The following UBE2E3 variants were observed in gnomAD, a reference collection of about 807,000 sequenced individuals.
UBE2E3 encodes the protein ubiquitin-conjugating enzyme E2 E3.
UBE2E3 carries 5 observed loss-of-function variants against 23.6 expected under a neutral mutation model. That is an observed-to-expected ratio of 0.21 (90% CI 0.11 to 0.44). The LOEUF (loss-of-function observed/expected upper bound fraction) is 0.44, where lower values mean the gene tolerates loss of function less well. Ranked by LOEUF, UBE2E3 falls within the 20% of genes least tolerant of loss-of-function variation. UBE2E3 has a pLI of 0.99. For synonymous variants in UBE2E3, 78 were observed against 87.5 expected (o/e 0.89, Z 0.60); for missense variants, 81 against 249.8 (o/e 0.32, Z 4.55).
At chr2:181,037,509 T>G (rs1417512459) in intron 3 of UBE2E3, among the ~76,000 whole-genome samples, 1 of 151,994 alleles carries the variant, frequency 6.6e-6, no homozygotes, top group Non-Finnish European at 1.5e-5. Context: ...TGTGTCTTAG[T>G]TTTTACAAAA....
intron 3 of UBE2E3, among the ~76,000 whole-genome samples, chr2:181,031,908 T>C (rs1187976052): frequency 6.6e-6 from 1 of 152,174 alleles, no homozygotes; most frequent in East Asian, 1.9e-4. Context: ...ACTAGTGACT[T>C]TTAAAATGCC....
intron 5 of UBE2E3, among the ~76,000 whole-genome samples, chr2:181,061,692 G>T (rs1028120367): frequency 3.6e-4 from 54 of 151,332 alleles, no homozygotes; most frequent in African/African-American, 1.3e-3. Context: ...CCTGCCACAT[G>T]TGAACTTCAG....
intron 3 of UBE2E3, among the ~76,000 whole-genome samples, chr2:180,997,115 T>G (rs1684846354): frequency 6.6e-6 from 1 of 151,918 alleles, no homozygotes; most frequent in Non-Finnish European, 1.5e-5. Context: ...ACTACACTTT[T>G]TTTTTTTACC....
At chr2:181,049,079 T>C (rs1268420289) in intron 3 of UBE2E3, among the ~76,000 whole-genome samples, 3 of 152,048 alleles carry the variant, frequency 2.0e-5, no homozygotes, top group Admixed American at 6.6e-5. Flanking sequence ...AGATTTCAGC[T>C]GAGGGAGTAA....
intron 3 of UBE2E3, among the ~76,000 whole-genome samples, chr2:181,033,216 T>C (rs1686142301): frequency 1.3e-5 from 2 of 152,156 alleles, no homozygotes; most frequent in Non-Finnish European, 1.5e-5. Context: ...GAGCCCGCAT[T>C]GCCAAGACAA....
intron 3 of UBE2E3, among the ~76,000 whole-genome samples, chr2:181,020,310 T>G (rs1482758735): frequency 1.3e-5 from 2 of 152,220 alleles, no homozygotes; most frequent in Non-Finnish European, 2.9e-5. Context: ...GGCTGCCTTC[T>G]TCCTGAGTAT....
At chr2:181,041,530 C>G (rs892827191) in intron 3 of UBE2E3, among the ~76,000 whole-genome samples, 13 of 151,904 alleles carry the variant, frequency 8.6e-5, no homozygotes, top group African/African-American at 3.1e-4. Context: ...CCTCTGCCTC[C>G]CAGGTCCAAG....
intron 3 of UBE2E3, among the ~76,000 whole-genome samples, chr2:181,005,519 A>T (rs1295751446): frequency 6.6e-6 from 1 of 152,052 alleles, no homozygotes; most frequent in Admixed American, 6.5e-5. Context: ...GCTGATGCTG[A>T]GTAGCAAAAT....
chr2:180,981,521 T>C (rs1684294298), intron 1 of UBE2E3: 1 of 152,744 alleles, frequency 6.5e-6, no homozygotes, highest in East Asian at 1.9e-4. Flanking sequence ...TTAAAGGCTT[T>C]ACGTGCACTG....
chr2:181,021,088 A>G (rs1260375348), intron 3 of UBE2E3, among the ~76,000 whole-genome samples: 1 of 152,214 alleles, frequency 6.6e-6, no homozygotes, highest in Non-Finnish European at 1.5e-5. Context: ...TTTCAGGGAA[A>G]GGTGGTTTAC....
intron 4 of UBE2E3, 84 bp from the exon 5 acceptor site, chr2:181,060,581 T>C: frequency 8.0e-7 from 1 of 1,256,724 alleles, no homozygotes. Context: ...TCATCTATGA[T>C]ATATTACCCT....
chr2:180,993,238 C>T lies in UBE2E3; in HGVS notation c.245+9145C>T, dbSNP rs115881370. ...AGGGTCATTCAATTTGTAAAAATCC[C>T]AGTTCCTTCTTTTTGGTCCTTGATG... is the stretch of plus-strand genomic sequence containing the variant. On this transcript the variant is annotated intron_variant, in intron 3 of 5. Transcript: ENST00000410062. Among the ~76,000 whole-genome samples, 359 of 152,296 alleles carry T rather than the reference C, an allele frequency of 2.4e-3. 1 individual carries two copies. Among genetic ancestry groups the T allele is most frequent in the African/African-American group, 8.3e-3 (346 of 41,574 alleles).
At chr2:181,049,839 A>G (rs1686772857) in intron 3 of UBE2E3, among the ~76,000 whole-genome samples, 1 of 151,976 alleles carries the variant, frequency 6.6e-6, no homozygotes, top group Non-Finnish European at 1.5e-5. Flanking sequence ...ACACCCAGCC[A>G]TTTTATTTTT....
chr2:181,002,340 A>G (rs1685015548), intron 3 of UBE2E3, among the ~76,000 whole-genome samples: 1 of 152,190 alleles, frequency 6.6e-6, no homozygotes, highest in African/African-American at 2.4e-5. Flanking sequence ...GCGTTAGGTA[A>G]GGCATCCTAA....
intron 3 of UBE2E3, among the ~76,000 whole-genome samples, chr2:181,003,195 T>C (rs1447594550): frequency 1.3e-5 from 2 of 152,260 alleles, no homozygotes; most frequent in Middle Eastern, 3.2e-3. Flanking sequence ...GAGCTTATAT[T>C]AGCCTAAATA....
chr2:181,011,084 C>CT (rs535488388), intron 3 of UBE2E3, among the ~76,000 whole-genome samples: 1,583 of 144,652 alleles, frequency 0.011, 16 homozygotes, highest in Non-Finnish European at 0.015. Context: ...AGGGTCTTGA[C>CT]TTTTTTTTTT....
At chr2:181,046,339 G>C (rs1412095187) in intron 3 of UBE2E3, among the ~76,000 whole-genome samples, 1 of 152,122 alleles carries the variant, frequency 6.6e-6, no homozygotes. Context: ...CTTGCTAGCA[G>C]AAGATACATT....
intron 3 of UBE2E3, among the ~76,000 whole-genome samples, chr2:181,028,559 C>T (rs1286156070): frequency 2.0e-5 from 3 of 152,124 alleles, no homozygotes. Context: ...TTTATCAACT[C>T]TGACAATCTT....
chr2:181,048,691 T>G (rs1686741786), intron 3 of UBE2E3, among the ~76,000 whole-genome samples: 1 of 152,108 alleles, frequency 6.6e-6, no homozygotes, highest in Non-Finnish European at 1.5e-5. Flanking sequence ...TCCCTAATTG[T>G]GAACTCCTAA....
Sources: gnomAD v4.1 joint callset for allele counts (sites outside exome capture counted in the v4.1 genomes callset) on GRCh38, gnomAD v4.1.1 for gene constraint, MANE v1.5 for transcripts, NCBI Gene and HGNC (gene_info 2026-07-23, HGNC 2026-07-21) for gene names.